The following HHAT variants were observed in gnomAD, a reference collection of about 807,000 sequenced individuals.
HHAT encodes protein-cysteine N-palmitoyltransferase HHAT.
HHAT carries 47 observed loss-of-function variants against 70.8 expected under a neutral mutation model. The observed-to-expected ratio is 0.66, with a 90% CI of 0.53 to 0.85. HHAT has a LOEUF of 0.85. Ranked by LOEUF, HHAT falls within the 40% of genes least tolerant of loss-of-function variation. The pLI, the probability that HHAT is intolerant of heterozygous loss-of-function variation, is 0.00. For synonymous variants in HHAT, 228 were observed against 247.6 expected (o/e 0.92, Z 0.74); for missense variants, 609 against 604.8 (o/e 1.01, Z -0.07).
intron 10 of HHAT, among the ~76,000 whole-genome samples, chr1:210,619,618 G>C (rs1442954462): frequency 6.6e-6 from 1 of 152,126 alleles, no homozygotes; most frequent in Non-Finnish European, 1.5e-5. Context: ...CTTTTGGGCA[G>C]GACGGCTCCG....
At chr1:210,448,081 CTT>C (rs34807311) in intron 7 of HHAT, among the ~76,000 whole-genome samples, 198 of 136,772 alleles carry the variant, frequency 1.4e-3, no homozygotes, top group Middle Eastern at 3.8e-3. Context: ...GTTAGAGGTT[CTT>C]TTTTTTTTTT....
At chr1:210,560,983 A>G (rs1206585500) in intron 9 of HHAT, among the ~76,000 whole-genome samples, 1 of 152,152 alleles carries the variant, frequency 6.6e-6, no homozygotes, top group African/African-American at 2.4e-5. Flanking sequence ...CACTGAGGCC[A>G]GTATCTATGA....
intron 7 of HHAT, among the ~76,000 whole-genome samples, chr1:210,455,644 T>C (rs1444218517): frequency 6.6e-6 from 1 of 152,140 alleles, no homozygotes; most frequent in Admixed American, 6.5e-5. Context: ...TTTGTAACCT[T>C]TCTGTGCCCA....
chr1:210,353,108 G>A (rs1351982242), intron 2 of HHAT, among the ~76,000 whole-genome samples: 2 of 151,802 alleles, frequency 1.3e-5, no homozygotes, highest in African/African-American at 2.4e-5. Flanking sequence ...GCTAATTTTT[G>A]TATTTTTAGT....
intron 9 of HHAT, among the ~76,000 whole-genome samples, chr1:210,526,367 G>GTTTTGTTTTGGTTTTTTTTTTTTT: frequency 4.9e-5 from 7 of 142,424 alleles, no homozygotes; most frequent in Admixed American, 2.1e-4. Flanking sequence ...AGTGGGTTCT[G>GTTTTGTTTTGGTTTTTTTTTTTTT]TTTTTTTTTT....
chr1:210,374,023 G>C (rs766670110), intron 3 of HHAT: 1 of 152,162 alleles, frequency 6.6e-6, no homozygotes, highest in Admixed American at 6.5e-5. Context: ...CCTTTGACAT[G>C]GAAAACAAGA....
At chr1:210,387,703 A>C in intron 4 of HHAT, 122 bp downstream of exon 4, 3 of 687,168 alleles carry the variant, frequency 4.4e-6, no homozygotes, top group Non-Finnish European at 7.5e-6. Flanking sequence ...AAAAATGATA[A>C]AGTTGTTAAC....
At chr1:210,672,299 G>A (rs1175136128) in intron 11 of HHAT, among the ~76,000 whole-genome samples, 2 of 152,260 alleles carry the variant, frequency 1.3e-5, no homozygotes, top group Non-Finnish European at 1.5e-5. Context: ...AAGAGAACCT[G>A]TAATCACCCC....
Position 210,328,928 on chromosome 1 carries a change from A to G in HHAT, c.-220A>G. On this transcript the variant is annotated 5_prime_UTR_variant, in exon 1 of 12. Transcript: ENST00000261458. ...GGCACGGCGGCAGGGGCGTGCTCGGAGGACGCGCGCTGCGCTGCTCCTCCA... is the reference window on the plus strand; with the variant it reads ...GGCACGGCGGCAGGGGCGTGCTCGGGGGACGCGCGCTGCGCTGCTCCTCCA... 3 of 1,032,450 alleles carry G rather than the reference A, an allele frequency of 2.9e-6. No individual in the cohort carries two copies. The highest frequency in any genetic ancestry group is 2.5e-6 in the Non-Finnish European group (2 of 800,014). The allele number at this position is 1,032,450 out of a possible 1,614,324, so 64.0% of individuals were successfully genotyped here.
At chr1:210,374,780 TA>T (rs1272612026) in intron 3 of HHAT, among the ~76,000 whole-genome samples, 3 of 137,178 alleles carry the variant, frequency 2.2e-5, no homozygotes, top group South Asian at 2.2e-4. Context: ...TTTTTTTTTT[TA>T]ATCCCTTACT....
intron 8 of HHAT, among the ~76,000 whole-genome samples, chr1:210,467,399 C>G (rs1212245919): frequency 6.6e-6 from 1 of 152,198 alleles, no homozygotes; most frequent in Non-Finnish European, 1.5e-5. Context: ...GGTGGCATAA[C>G]CCTGACACTG....
At chr1:210,357,592 C>T (rs552641820) in intron 2 of HHAT, among the ~76,000 whole-genome samples, 6 of 152,238 alleles carry the variant, frequency 3.9e-5, no homozygotes, top group East Asian at 1.9e-4. Context: ...GAGGCCGAGG[C>T]GGGTGGATAA....
At chr1:210,626,019 G>C (rs948493447) in intron 11 of HHAT, among the ~76,000 whole-genome samples, 9 of 152,208 alleles carry the variant, frequency 5.9e-5, no homozygotes, top group Non-Finnish European at 2.9e-5. Flanking sequence ...GGTCAGAAAT[G>C]CCCAAGAGGC....
intron 3 of HHAT, among the ~76,000 whole-genome samples, chr1:210,387,243 T>G (rs2091145491): frequency 1.3e-5 from 2 of 152,290 alleles, no homozygotes; most frequent in South Asian, 4.2e-4. Context: ...GCAATGGCAA[T>G]CATTCCGGTT....
chr1:210,347,302 G>A (rs898781446), intron 1 of HHAT, among the ~76,000 whole-genome samples: 7 of 152,058 alleles, frequency 4.6e-5, no homozygotes, highest in African/African-American at 1.7e-4. Flanking sequence ...CATCACATTT[G>A]TCATCTATAA....
At chr1:210,330,842 A>T (rs2084922532) in intron 1 of HHAT, among the ~76,000 whole-genome samples, 1 of 152,288 alleles carries the variant, frequency 6.6e-6, no homozygotes, top group Admixed American at 6.5e-5. Context: ...TTTTGAGACA[A>T]GAGTCTCGCT....
chr1:210,657,133 A>G (rs1352761360), intron 11 of HHAT, among the ~76,000 whole-genome samples: 4 of 152,210 alleles, frequency 2.6e-5, no homozygotes, highest in Non-Finnish European at 1.5e-5. Flanking sequence ...AGCACTAGTG[A>G]GACCAAATCT....
chr1:210,533,712 A>G (rs2095339861), intron 9 of HHAT, among the ~76,000 whole-genome samples: 2 of 152,092 alleles, frequency 1.3e-5, no homozygotes, highest in Non-Finnish European at 1.5e-5. Context: ...TAAATTGGGG[A>G]TCTTTAAATG....
chr1:210,389,747 G>A (rs945095753), intron 4 of HHAT, among the ~76,000 whole-genome samples: 2 of 152,182 alleles, frequency 1.3e-5, no homozygotes, highest in Non-Finnish European at 2.9e-5. Context: ...AACTTACCTA[G>A]TCTCAGGTAG....
Sources: gnomAD v4.1 joint callset for allele counts (sites outside exome capture counted in the v4.1 genomes callset) on GRCh38, gnomAD v4.1.1 for gene constraint, MANE v1.5 for transcripts, NCBI Gene and HGNC (gene_info 2026-07-23, HGNC 2026-07-21) for gene names.